The following ELK4 variants were observed in gnomAD, a reference collection of about 807,000 sequenced individuals.
ELK4 encodes ETS transcription factor ELK4, also known as ETS domain-containing protein Elk-4.
In ELK4, 16 loss-of-function variants were observed where a neutral mutation model predicts 29.6. The ratio of observed to expected loss-of-function variants is 0.54; its 90% CI spans 0.37 to 0.82. ELK4 has a LOEUF of 0.82. Ranked by LOEUF, ELK4 falls within the 40% of genes least tolerant of loss-of-function variation. The pLI is 0.00. For missense variants in ELK4, 465 were observed against 507.1 expected (o/e 0.92, Z 0.80); for synonymous variants, 213 against 191.1 (o/e 1.11, Z -0.95).
intron 1 of ELK4, among the ~76,000 whole-genome samples, chr1:205,628,666 C>CA (rs1427413105): frequency 6.6e-6 from 1 of 152,150 alleles, no homozygotes; most frequent in African/African-American, 2.4e-5. Context: ...AATGAGCACC[C>CA]AAGGAGACTC....
chr1:205,627,153 G>A (rs957019469), intron 1 of ELK4, among the ~76,000 whole-genome samples: 6 of 152,170 alleles, frequency 3.9e-5, no homozygotes, highest in South Asian at 2.1e-4. Context: ...GCTAAAATGC[G>A]GGGAAGAGAA....
Position 205,610,199 on chromosome 1 carries a change from C to T in ELK4, c.*6347G>A, listed in dbSNP as rs145571795. 26 of 231,948 alleles carry T rather than the reference C, an allele frequency of 1.1e-4. 1 individual carries two copies. The highest frequency in any genetic ancestry group is 4.8e-4 in the African/African-American group (22 of 45,374). 14.4% of individuals were successfully genotyped at this position (231,948 alleles called of 1,614,324 possible). A position where few individuals can be genotyped will look rare whatever the true frequency, so the allele number is the denominator to read the frequency against. On this transcript the variant is annotated 3_prime_UTR_variant, in exon 5 of 5. Transcript: ENST00000357992. The stretch of plus-strand genomic sequence containing the variant: ...CCGACCCCATCCAGAAGATCCCAGG[C>T]CTATGTGAGCATGACTCACAATCCT...
chr1:205,629,170 CAAAAAAAAA>C (rs61374496), intron 1 of ELK4, among the ~76,000 whole-genome samples: 3 of 92,290 alleles, frequency 3.3e-5, no homozygotes, highest in Non-Finnish European at 6.2e-5. Flanking sequence ...GACTACGTCT[CAAAAAAAAA>C]AAAAAAAAAG....
intron 4 of ELK4, among the ~76,000 whole-genome samples, chr1:205,617,798 G>C (rs1436795836): frequency 1.3e-5 from 2 of 152,094 alleles, no homozygotes; most frequent in African/African-American, 4.8e-5. Context: ...CTACTCGGGA[G>C]GCTGAGGCAG....
chr1:205,627,904 G>C (rs1413831523), intron 1 of ELK4, among the ~76,000 whole-genome samples: 2 of 152,184 alleles, frequency 1.3e-5, no homozygotes, highest in East Asian at 1.9e-4. Context: ...AATAATAAAG[G>C]ATAGAAAGGG....
At position 205,612,655 on chromosome 1, in the gene ELK4, G is replaced by A. The variant is rs1053488409; in HGVS notation, c.*3891C>T. 2 of 209,040 alleles carry A rather than the reference G, an allele frequency of 9.6e-6. No individual in the cohort carries two copies. Among genetic ancestry groups the A allele is most frequent in the East Asian group, 1.4e-4 (2 of 13,794 alleles). The allele number at this position is 209,040 out of a possible 1,614,324, so 12.9% of individuals were successfully genotyped here. Reference sequence around the variant, plus strand: ...GCTTACATTCACCAAAAACATAAAAGGACACCTTTAAGAACTTAAGAATCA... The same window carrying A: ...GCTTACATTCACCAAAAACATAAAAAGACACCTTTAAGAACTTAAGAATCA... On this transcript the variant is annotated 3_prime_UTR_variant, in exon 5 of 5. Coordinates refer to ENST00000357992, the MANE Select transcript of ELK4 (RefSeq NM_001973.4).
intron 1 of ELK4, among the ~76,000 whole-genome samples, chr1:205,626,717 C>T (rs536636284): frequency 1.3e-3 from 204 of 152,134 alleles, no homozygotes; most frequent in Non-Finnish European, 2.5e-3. Context: ...AATTGAAGCC[C>T]TTGTACATTG....
chr1:205,617,121 G>C (rs11590243), intron 4 of ELK4, among the ~76,000 whole-genome samples: 7,790 of 152,222 alleles, frequency 0.051, 264 homozygotes, highest in Non-Finnish European at 0.082. Flanking sequence ...CCAGGCTGAA[G>C]CTACAGGAGC....
In ELK4 at chr1:205,614,861, G is replaced by A. The variant is rs1670206411; in HGVS notation, c.*1685C>T. 1 of 225,686 alleles carries A rather than the reference G, an allele frequency of 4.4e-6. No homozygotes were observed. The highest frequency in any genetic ancestry group is 8.8e-6 in the Non-Finnish European group (1 of 113,424). The allele number at this position is 225,686 out of a possible 1,614,324, so 14.0% of individuals were successfully genotyped here. The stretch of plus-strand genomic sequence containing the variant: ...GAGATTGGTGGGGGAGGGTGGTAGT[G>A]GTGGTGAATGGTGACAACATATAAT... On this transcript the variant is annotated 3_prime_UTR_variant, in exon 5 of 5. Transcript: ENST00000357992.
rs61374496 is a variant in ELK4 at position 205,629,170 on chromosome 1, C to CAAAAAAAAAAA, written c.-10+2451_-10+2461dup. Among the ~76,000 whole-genome samples the CAAAAAAAAAAA allele has an allele frequency of 1.3e-3, 121 of 92,232 alleles. 1 individual carries two copies. The highest frequency in any genetic ancestry group is 3.9e-3 in the African/African-American group (85 of 21,962). The allele number at this position is 92,232 out of a possible 152,430, so 60.5% of individuals were successfully genotyped here. A position where few individuals can be genotyped will look rare whatever the true frequency, so the allele number is the denominator to read the frequency against. On this transcript the variant is annotated intron_variant, in intron 1 of 4. Coordinates refer to ENST00000357992, the MANE Select transcript of ELK4 (RefSeq NM_001973.4). ...TGGGCAACAGAGCAAGACTACGTCT[C>CAAAAAAAAAAA]AAAAAAAAAAAAAAAAAAGAAAAGA... is the stretch of plus-strand genomic sequence containing the variant.
At position 205,609,347 on chromosome 1, in the gene ELK4, C is replaced by T. The variant is rs1203207583; in HGVS notation, c.*7199G>A. The T allele has an allele frequency of 5.2e-6, 1 of 191,262 alleles. No homozygotes were observed. The highest frequency in any genetic ancestry group is 2.3e-5 in the African/African-American group (1 of 42,990). 11.8% of individuals were successfully genotyped at this position (191,262 alleles called of 1,614,324 possible). A position where few individuals can be genotyped will look rare whatever the true frequency, so the allele number is the denominator to read the frequency against. On this transcript the variant is annotated 3_prime_UTR_variant, in exon 5 of 5. Coordinates refer to ENST00000357992, the MANE Select transcript of ELK4 (RefSeq NM_001973.4). ...CTAAAGCTAACCAGTAGCAAAATGACTGGACTGAATTTCATATTTAATCTT... is the reference window on the plus strand; with the variant it reads ...CTAAAGCTAACCAGTAGCAAAATGATTGGACTGAATTTCATATTTAATCTT...
At position 205,623,846 on chromosome 1, in the gene ELK4, G is replaced by C; in HGVS notation, c.37C>G (p.Gln13Glu). 6.2e-7 allele frequency: 1 copy of C among 1,614,194 alleles called. No homozygotes were observed. The highest frequency in any genetic ancestry group is 1.1e-5 in the South Asian group (1 of 91,086). Residue 13 changes from glutamine (Q) to glutamate (E), a missense_variant, in exon 2 of 5, where the codon CAG becomes GAG. By Grantham distance (29) the Gln-to-Glu change is conservative. Transcript: ENST00000357992. ...SAITLWQFLL[Q>E]LLQKPQNKHM... is the part of the protein sequence containing the mutation. ...TTGTTCTGAGGCTTCTGCAGGAGCTGAAGAAGGAACTGCCACAGGGTGATA... is the reference window on the plus strand; with the variant it reads ...TTGTTCTGAGGCTTCTGCAGGAGCTCAAGAAGGAACTGCCACAGGGTGATA...
At chr1:205,629,580 G>A (rs1268303266) in intron 1 of ELK4, among the ~76,000 whole-genome samples, 3 of 152,258 alleles carry the variant, frequency 2.0e-5, no homozygotes, top group Non-Finnish European at 2.9e-5. Flanking sequence ...ACCTGGGCGT[G>A]GTGGTGGGCA....
intron 2 of ELK4, among the ~76,000 whole-genome samples, chr1:205,623,157 C>CAAAAA (rs547986684): frequency 2.6e-5 from 2 of 76,804 alleles, no homozygotes; most frequent in African/African-American, 4.5e-5. Context: ...GACTCCGTCT[C>CAAAAA]AAAAAAAAAA....
Position 205,616,295 on chromosome 1 carries a change from A to C in ELK4, c.*251T>G, listed in dbSNP as rs899275223. 5 of 371,628 alleles carry C rather than the reference A, an allele frequency of 1.3e-5. No individual in the cohort carries two copies. Among genetic ancestry groups the C allele is most frequent in the Middle Eastern group, 7.3e-4 (1 of 1,374 alleles). 23.0% of individuals were successfully genotyped at this position (371,628 alleles called of 1,614,324 possible). A position where few individuals can be genotyped will look rare whatever the true frequency, so the allele number is the denominator to read the frequency against. On this transcript the variant is annotated 3_prime_UTR_variant, in exon 5 of 5. Transcript: ENST00000357992. Reference sequence around the variant, plus strand: ...TTAAAGGAGAAAAGAAAAGGAAGGAAGGAAAGAAAAAGAAAAGGAAAAGAC... The same window carrying C: ...TTAAAGGAGAAAAGAAAAGGAAGGACGGAAAGAAAAAGAAAAGGAAAAGAC...
rs118127399 is a variant in ELK4, at chr1:205,610,063, C to T, written c.*6483G>A. On this transcript the variant is annotated 3_prime_UTR_variant, in exon 5 of 5. Transcript: ENST00000357992. ...GCTAATATTGGTGCCCAAGAAAGTG[C>T]CAAGTGATTAACACCAATATATGGC... 4.0e-3 allele frequency: 932 copies of T among 231,776 alleles called. 33 individuals are homozygous for T. The East Asian group carries it at 0.054, about 13-fold the overall frequency. 14.4% of individuals were successfully genotyped at this position (231,776 alleles called of 1,614,324 possible).
At chr1:205,624,261 T>C (rs999514881) in intron 1 of ELK4, among the ~76,000 whole-genome samples, 1 of 152,236 alleles carries the variant, frequency 6.6e-6, no homozygotes, top group African/African-American at 2.4e-5. Context: ...CACTAGTGAC[T>C]GTCAATCACT....
chr1:205,620,659 A>C lies in ELK4; in HGVS notation c.387T>G (p.Pro129=). Residue 129 remains proline (P), a synonymous_variant, in exon 3 of 5, where the codon CCT becomes CCG. Coordinates refer to ENST00000357992, the MANE Select transcript of ELK4 (RefSeq NM_001973.4). ...GGCTAGAGGTCTTGGCACCAGGCTG[A>C]GGTGGTTTATCTTTCCCTCCATTCT... is the stretch of plus-strand genomic sequence containing the variant. ...DVENGGKDKP[P]QPGAKTSSRN... 1 of 1,614,160 alleles carries C rather than the reference A, an allele frequency of 6.2e-7. No homozygotes were observed. Among genetic ancestry groups the C allele is most frequent in the Non-Finnish European group, 8.5e-7 (1 of 1,180,020 alleles).
chr1:205,629,711 T>C (rs566692208), intron 1 of ELK4, among the ~76,000 whole-genome samples: 2 of 150,276 alleles, frequency 1.3e-5, no homozygotes, highest in Non-Finnish European at 2.9e-5. Context: ...AGCAAGACCC[T>C]GTCTCAAAAA....
Sources: allele counts gnomAD v4.1 joint callset (sites outside exome capture counted in the v4.1 genomes callset), GRCh38; gene constraint gnomAD v4.1.1; transcripts MANE v1.5; gene names NCBI Gene and HGNC (gene_info 2026-07-23, HGNC 2026-07-21).